SPG7: variants seen among roughly 807,000 people sequenced by gnomAD.
SPG7 encodes mitochondrial inner membrane m-AAA protease component paraplegin.
In SPG7, 103 loss-of-function variants were observed where a neutral mutation model predicts 81.9. The observed-to-expected ratio is 1.26, with a 90% CI of 1.07 to 1.48. The LOEUF is 1.48. Among genes scored for constraint, SPG7 ranks in the 40% most tolerant of loss-of-function variants. The pLI is 0.00. For missense variants in SPG7, 1,241 were observed against 1,087.3 expected (o/e 1.14, Z -1.99); for synonymous variants, 534 against 444.2 (o/e 1.20, Z -2.54).
At position 89,508,617 on chromosome 16, in the gene SPG7, T is replaced by C. The variant is rs1243009905; in HGVS notation, c.183+17T>C. On this transcript the variant is annotated intron_variant, in intron 1 of 16. Transcript: ENST00000645818. ...GCTCTGCAGGTAAATCCCCGCGGAGTCCGGGCCCCACCTCCCGCCCGGCTC... is the reference window on the plus strand; with the variant it reads ...GCTCTGCAGGTAAATCCCCGCGGAGCCCGGGCCCCACCTCCCGCCCGGCTC... The C allele has an allele frequency of 1.4e-6, 2 of 1,441,312 alleles. No homozygotes were observed. Among genetic ancestry groups the C allele is most frequent in the Non-Finnish European group, 1.8e-6 (2 of 1,102,598 alleles). The allele number at this position is 1,441,312 out of a possible 1,614,324, so 89.3% of individuals were successfully genotyped here. A position where few individuals can be genotyped will look rare whatever the true frequency, so the allele number is the denominator to read the frequency against.
intron 13 of SPG7, 24 bp downstream of exon 13, chr16:89,550,633 C>A: frequency 6.4e-7 from 1 of 1,555,816 alleles, no homozygotes; most frequent in Non-Finnish European, 8.9e-7. Flanking sequence ...GGTGCCGGCT[C>A]CACGGGCCTT....
intron 12 of SPG7, 115 bp from the exon 13 acceptor site, chr16:89,550,379 G>A (rs147746088): frequency 3.9e-6 from 3 of 770,252 alleles, no homozygotes; most frequent in African/African-American, 3.4e-5. Flanking sequence ...CACCATATTG[G>A]TCGGGCTGGT....
At chr16:89,523,901 G>A (rs151276655) in intron 3 of SPG7, 105 bp from the exon 4 acceptor site, 40 of 1,419,244 alleles carry the variant, frequency 2.8e-5, no homozygotes, top group Middle Eastern at 1.7e-4. Context: ...TGTGCAGGAC[G>A]CTGCCCCTCC....
chr16:89,527,585 C>T (rs144586191), intron 5 of SPG7, among the ~76,000 whole-genome samples: 8 of 152,046 alleles, frequency 5.3e-5, no homozygotes, highest in African/African-American at 7.2e-5. Context: ...GAAAATGGAA[C>T]GGGAAAAGGG....
At chr16:89,516,960 A>G (rs994091138) in intron 3 of SPG7, 1 of 152,202 alleles carries the variant, frequency 6.6e-6, no homozygotes, top group Admixed American at 6.5e-5. Flanking sequence ...TATATTTCCT[A>G]TTTATGCAGT....
chr16:89,519,499 G>A (rs2058155719), intron 3 of SPG7: 1 of 151,986 alleles, frequency 6.6e-6, no homozygotes, highest in Non-Finnish European at 1.5e-5. Flanking sequence ...TGTTGCCTTA[G>A]CTTCCCGAGT....
At chr16:89,508,401 G>T (rs1379500849), upstream of SPG7, 3 of 1,471,972 alleles carry the variant, frequency 2.0e-6, no homozygotes, top group East Asian at 5.9e-5. Context: ...TCACGCAGGC[G>T]CGGCTTTCAG....
rs1188029212 is a variant in SPG7, at chr16:89,508,436, C to G, written c.19C>G (p.Leu7Val). ...GGCCAACATGGCCGTGCTGCTGCTG[C>G]TGCTCCGTGCCCTCCGCCGGGGTCC... MAVLLL[L>V]LRALRRGPGP... is the part of the protein sequence containing the mutation. Residue 7 changes from leucine (L) to valine (V), a missense_variant, in exon 1 of 17, where the codon CTG becomes GTG. Leu to Val is a conservative substitution (Grantham distance 32). Coordinates refer to ENST00000645818, the MANE Select transcript of SPG7 (RefSeq NM_003119.4). 6.7e-7 allele frequency: 1 copy of G among 1,498,678 alleles called. No homozygotes were observed. The highest frequency in any genetic ancestry group is 2.8e-5 in the East Asian group (1 of 36,328). 92.8% of individuals were successfully genotyped at this position (1,498,678 alleles called of 1,614,324 possible).
chr16:89,520,943 C>G (rs1364673991), intron 3 of SPG7: 1 of 152,166 alleles, frequency 6.6e-6, no homozygotes, highest in African/African-American at 2.4e-5. Flanking sequence ...ATACATCTTG[C>G]CAGGCAGTTA....
chr16:89,553,152 CG>C lies in SPG7; in HGVS notation c.1936+20del. 1 of 1,585,554 alleles carries C rather than the reference CG, an allele frequency of 6.3e-7. No individual in the cohort carries two copies. Among genetic ancestry groups the C allele is most frequent in the Non-Finnish European group, 8.6e-7 (1 of 1,165,892 alleles). ...TCACTTCTGGTGAGGAGCAGCGGCG[CG>C]GGCCCTGGAGGTTTCAGAGCGCTTT... On this transcript the variant is annotated intron_variant, in intron 14 of 16. Transcript: ENST00000645818.
intron 9 of SPG7, among the ~76,000 whole-genome samples, chr16:89,535,929 A>AGTGTGGCCTCTCTGTTGCTGTG (rs1567918333): frequency 6.4e-4 from 21 of 32,650 alleles, no homozygotes; most frequent in African/African-American, 2.9e-3. Context: ...CTGGTGCTGT[A>AGTGTGGCCTCTCTGTTGCTGTG]TGGCCTTCAG....
At chr16:89,531,069 C>T in intron 7 of SPG7, 3 of 570,348 alleles carry the variant, frequency 5.3e-6, no homozygotes, top group Admixed American at 2.9e-5. Flanking sequence ...GCCCTTCATC[C>T]CTTGCAAAGC....
At chr16:89,545,167 C>T in intron 10 of SPG7, 1 of 348,720 alleles carries the variant, frequency 2.9e-6, no homozygotes, top group Middle Eastern at 1.1e-3. Flanking sequence ...GCATCACTTC[C>T]TTCCATCCGT....
intron 12 of SPG7, chr16:89,549,526 A>G (rs1240349558): frequency 6.2e-6 from 2 of 322,782 alleles, no homozygotes; most frequent in African/African-American, 4.3e-5. Context: ...TTAGCCAGGC[A>G]TGGTGGTGGA....
At chr16:89,529,761 A>T in intron 6 of SPG7, 182 bp downstream of exon 6, 5 of 661,770 alleles carry the variant, frequency 7.6e-6, no homozygotes, top group Non-Finnish European at 1.4e-5. Flanking sequence ...GTAGTAACCA[A>T]TGTTGCCTGA....
chr16:89,548,550 A>G, intron 12 of SPG7: 1 of 311,678 alleles, frequency 3.2e-6, no homozygotes, highest in Non-Finnish European at 6.2e-6. Context: ...TCAGCGCAGC[A>G]GGGGCTCTGC....
chr16:89,541,403 A>T, intron 9 of SPG7: 1 of 889,804 alleles, frequency 1.1e-6, no homozygotes, highest in Non-Finnish European at 1.3e-6. Flanking sequence ...TTGTCAAAAT[A>T]ACAAAATTCT....
chr16:89,549,384 G>A, intron 12 of SPG7: 1 of 375,968 alleles, frequency 2.7e-6, no homozygotes, highest in Non-Finnish European at 5.3e-6. Context: ...CCCTGGCTGG[G>A]CACTGTGGCT....
intron 3 of SPG7, among the ~76,000 whole-genome samples, chr16:89,513,264 G>C (rs2058046457): frequency 6.6e-6 from 1 of 152,124 alleles, no homozygotes; most frequent in African/African-American, 2.4e-5. Flanking sequence ...GCTGGGCGTG[G>C]TGGCTCACAC....
Sources: gnomAD v4.1 joint callset for allele counts (sites outside exome capture counted in the v4.1 genomes callset) on GRCh38, gnomAD v4.1.1 for gene constraint, MANE v1.5 for transcripts, NCBI Gene and HGNC (gene_info 2026-07-23, HGNC 2026-07-21) for gene names.